Variants in CDA observed in about 807,000 individuals in gnomAD.
CDA encodes the protein cytidine deaminase.
A neutral mutation model predicts 15.0 loss-of-function variants in CDA; 7 were observed. That is an observed-to-expected ratio of 0.47 (90% CI 0.26 to 0.87). CDA has a LOEUF of 0.87. CDA is among the 40% of genes least tolerant of loss of function. The pLI, the probability that CDA is intolerant of heterozygous loss-of-function variation, is 0.15. For missense variants in CDA, 159 were observed against 182.7 expected, an observed-to-expected ratio of 0.87 and a Z score of 0.75; for synonymous variants, 58 against 73.0, an observed-to-expected ratio of 0.79 and a Z score of 1.05.
intron 3 of CDA, among the ~76,000 whole-genome samples, chr1:20,615,470 C>A (rs74539402): frequency 0.012 from 1,372 of 112,830 alleles, 1 homozygote; most frequent in East Asian, 0.02. Flanking sequence ...CTGTTCTCCA[C>A]AAAAAAAAAA....
At chr1:20,595,067 C>T (rs2052581226) in intron 1 of CDA, among the ~76,000 whole-genome samples, 1 of 152,124 alleles carries the variant, frequency 6.6e-6, no homozygotes, top group African/African-American at 2.4e-5. Flanking sequence ...GACTTCTTGG[C>T]TGTAGTTTCT....
chr1:20,610,413 G>A (rs944946921), intron 2 of CDA, among the ~76,000 whole-genome samples: 37 of 151,410 alleles, frequency 2.4e-4, no homozygotes, highest in Non-Finnish European at 4.3e-4. Flanking sequence ...GCAATTCTCT[G>A]CCTCAGCCTC....
chr1:20,610,538 A>T (rs1284182090), intron 2 of CDA, among the ~76,000 whole-genome samples: 1 of 151,980 alleles, frequency 6.6e-6, no homozygotes, highest in African/African-American at 2.4e-5. Flanking sequence ...TGACTTTGTG[A>T]TCCACCCACC....
At chr1:20,607,520 A>G (rs560915204) in intron 2 of CDA, among the ~76,000 whole-genome samples, 20 of 152,248 alleles carry the variant, frequency 1.3e-4, no homozygotes, top group Non-Finnish European at 2.4e-4. Context: ...CAAGAAAATA[A>G]TGATATTCTA....
intron 1 of CDA, among the ~76,000 whole-genome samples, chr1:20,592,982 A>G (rs1003801340): frequency 1.4e-4 from 21 of 152,142 alleles, no homozygotes; most frequent in Admixed American, 3.3e-4. Context: ...GGTCCCAGAC[A>G]CTTGGGAAGC....
chr1:20,594,799 A>AG (rs1470875895), intron 1 of CDA, among the ~76,000 whole-genome samples: 2 of 151,746 alleles, frequency 1.3e-5, no homozygotes, highest in East Asian at 1.9e-4. Context: ...AAAAAAAAAA[A>AG]AAAGAAAGAA....
intron 1 of CDA, among the ~76,000 whole-genome samples, chr1:20,594,782 C>A (rs1285767738): frequency 8.0e-6 from 1 of 124,876 alleles, no homozygotes; most frequent in Non-Finnish European, 1.7e-5. Flanking sequence ...GAGCGAGACG[C>A]CATCTCAAAA....
rs141525441 is a variant in CDA at position 20,598,088 on chromosome 1, G to T, written c.155-6840G>T. On this transcript the variant is annotated intron_variant, in intron 1 of 3. Coordinates refer to ENST00000375071, the MANE Select transcript of CDA (RefSeq NM_001785.3). ...TTTGCCCCCTCCAAAATGCATAAGC[G>T]TACTTTGGAGGGCTTCTCTTTTCAA... Among the ~76,000 whole-genome samples, 3 of 152,212 alleles carry T rather than the reference G, an allele frequency of 2.0e-5. No homozygotes were observed. The East Asian group carries it at 5.8e-4, about 29-fold the overall frequency.
At chr1:20,610,273 T>A (rs200656368) in intron 2 of CDA, among the ~76,000 whole-genome samples, 4 of 132,858 alleles carry the variant, frequency 3.0e-5, no homozygotes, top group African/African-American at 1.1e-4. Flanking sequence ...TTTTTTTTTT[T>A]ATTTTATTTT....
chr1:20,597,894 CTTT>C (rs35045423), intron 1 of CDA, among the ~76,000 whole-genome samples: 19 of 138,682 alleles, frequency 1.4e-4, no homozygotes, highest in Non-Finnish European at 1.2e-4. Context: ...TTTTATTTGC[CTTT>C]TTTTTTTTTT....
chr1:20,613,774 C>T, intron 2 of CDA, 68 bp from the exon 3 acceptor site: 1 of 1,457,796 alleles, frequency 6.9e-7, no homozygotes, highest in South Asian at 1.1e-5. Flanking sequence ...GTCTCAGGGC[C>T]TGAATCTTAG....
At chr1:20,596,298 A>G (rs993534722) in intron 1 of CDA, among the ~76,000 whole-genome samples, 3 of 152,196 alleles carry the variant, frequency 2.0e-5, no homozygotes, top group Admixed American at 6.5e-5. Flanking sequence ...TTCTTCAAGT[A>G]TATGGACAGA....
At chr1:20,594,689 T>G (rs1413889086) in intron 1 of CDA, among the ~76,000 whole-genome samples, 1 of 149,886 alleles carries the variant, frequency 6.7e-6, no homozygotes, top group African/African-American at 2.5e-5. Context: ...TTCAGGAGGC[T>G]GAAGCAGGAG....
chr1:20,611,434 G>A (rs2052749522), intron 2 of CDA, among the ~76,000 whole-genome samples: 1 of 152,154 alleles, frequency 6.6e-6, no homozygotes, highest in Non-Finnish European at 1.5e-5. Flanking sequence ...AGGCTGGAGT[G>A]CAGTGGCACC....
intron 1 of CDA, among the ~76,000 whole-genome samples, chr1:20,592,073 T>C (rs1379320352): frequency 6.6e-6 from 1 of 151,930 alleles, no homozygotes; most frequent in Non-Finnish European, 1.5e-5. Flanking sequence ...AACTCTGAGG[T>C]GATCCACCCG....
At position 20,618,454 on chromosome 1, in the gene CDA, T is replaced by G. The variant is rs758910239; in HGVS notation, c.327T>G (p.Phe109Leu). 4 of 1,600,796 alleles carry G rather than the reference T, an allele frequency of 2.5e-6. No individual in the cohort carries two copies. The African/African-American group carries it at 4.0e-5, about 16-fold the overall frequency. ...CGCCAGCTTTGCCTCTTTTCCAGTT[T>G]GGCACCAACTGGCCCGTGTACATGA... is the stretch of plus-strand genomic sequence containing the variant. Reference protein sequence around the residue: ...CGACRQVMREFGTNWPVYMTK... With the variant: ...CGACRQVMRELGTNWPVYMTK... The change falls in exon 4 of 4, where the codon TTT becomes TTG. Residue 109 changes from phenylalanine to leucine, a missense_variant and splice_region_variant. By Grantham distance (22) the Phe-to-Leu change is conservative. Coordinates refer to ENST00000375071, the MANE Select transcript of CDA (RefSeq NM_001785.3).
chr1:20,608,914 G>A (rs2052721349), intron 2 of CDA, among the ~76,000 whole-genome samples: 1 of 152,202 alleles, frequency 6.6e-6, no homozygotes, highest in Non-Finnish European at 1.5e-5. Context: ...TTACAGGGTT[G>A]TTGGGGGATT....
chr1:20,595,915 G>A (rs2052588017), intron 1 of CDA, among the ~76,000 whole-genome samples: 1 of 151,458 alleles, frequency 6.6e-6, no homozygotes, highest in South Asian at 2.1e-4. Context: ...TTGGGAGGCT[G>A]AGGTGGGTGG....
intron 2 of CDA, among the ~76,000 whole-genome samples, chr1:20,607,704 C>G (rs534897411): frequency 5.6e-4 from 86 of 152,268 alleles, no homozygotes; most frequent in African/African-American, 1.8e-3. Context: ...TTTCCAGCAC[C>G]CAACTGCTGT....
Sources: allele counts gnomAD v4.1 joint callset (sites outside exome capture counted in the v4.1 genomes callset), GRCh38; gene constraint gnomAD v4.1.1; transcripts MANE v1.5; gene names NCBI Gene and HGNC (gene_info 2026-07-23, HGNC 2026-07-21).